ESCO1: variants seen among roughly 807,000 people sequenced by gnomAD.
The protein encoded by ESCO1 is N-acetyltransferase ESCO1.
A neutral mutation model predicts 83.5 loss-of-function variants in ESCO1; 33 were observed. That is an observed-to-expected ratio of 0.40 (90% CI 0.30 to 0.53). The LOEUF is 0.53. Among genes scored for constraint, ESCO1 ranks in the 20% least tolerant of loss-of-function variants. The pLI is 0.63. For missense variants in ESCO1, 855 were observed against 968.0 expected (o/e 0.88, Z 1.55); for synonymous variants, 332 against 324.3 (o/e 1.02, Z -0.25).
At chr18:21,547,037 ATACC>A (rs1191945957) in intron 8 of ESCO1, among the ~76,000 whole-genome samples, 1 of 152,156 alleles carries the variant, frequency 6.6e-6, no homozygotes, top group Non-Finnish European at 1.5e-5. Context: ...CCTTTGCTCT[ATACC>A]CTTCTGAGCT....
At chr18:21,535,264 G>A (rs2037820294) in intron 10 of ESCO1, among the ~76,000 whole-genome samples, 1 of 151,792 alleles carries the variant, frequency 6.6e-6, no homozygotes, top group African/African-American at 2.4e-5. Flanking sequence ...ACCCAGGCTG[G>A]AGTGCAATGG....
At chr18:21,582,744 T>C (rs2038519705) in intron 2 of ESCO1, among the ~76,000 whole-genome samples, 1 of 152,166 alleles carries the variant, frequency 6.6e-6, no homozygotes, top group Non-Finnish European at 1.5e-5. Flanking sequence ...ACACAAAATA[T>C]CATTTTTCAC....
Position 21,575,422 on chromosome 18 carries a change from C to T in ESCO1, c.-579G>A, listed in dbSNP as rs574822525. ...CTATTAATATAGATTTCCTTTTGTG[C>T]TGCCGTTTCTGAAAAATTAAAAAAC... On this transcript the variant is annotated 5_prime_UTR_variant, in exon 4 of 12. Coordinates refer to ENST00000269214, the MANE Select transcript of ESCO1 (RefSeq NM_052911.3). The T allele has an allele frequency of 1.8e-4, 70 of 398,122 alleles. 1 individual carries two copies. The South Asian group carries it at 8.4e-3, about 48-fold the overall frequency. The allele number at this position is 398,122 out of a possible 1,614,324, so 24.7% of individuals were successfully genotyped here.
Position 21,574,403 on chromosome 18 carries a change from T to G in ESCO1, c.441A>C (p.Ala147=), listed in dbSNP as rs1448478388. 3.1e-6 allele frequency: 5 copies of G among 1,614,164 alleles called. No homozygotes were observed. Among genetic ancestry groups the G allele is most frequent in the Middle Eastern group, 1.6e-4 (1 of 6,062 alleles). Residue 147 remains alanine (A), a synonymous_variant, in exon 4 of 12, where the codon GCA becomes GCC. Coordinates refer to ENST00000269214, the MANE Select transcript of ESCO1 (RefSeq NM_052911.3). The part of the protein sequence containing the change: ...RSREIQGQVQ[A]VKQSLPPTKK... ...TAGTTGGTGGCAAACTCTGTTTAAC[T>G]GCTTGAACTTGACCCTGAATTTCTC...
chr18:21,588,781 T>C (rs1273326906), intron 1 of ESCO1, among the ~76,000 whole-genome samples: 1 of 151,878 alleles, frequency 6.6e-6, no homozygotes, highest in African/African-American at 2.4e-5. Context: ...CCGGGCATGG[T>C]GGCGTTCACC....
chr18:21,554,620 A>T (rs552065340), intron 8 of ESCO1, among the ~76,000 whole-genome samples: 1 of 152,188 alleles, frequency 6.6e-6, no homozygotes, highest in Admixed American at 6.5e-5. Flanking sequence ...AATAAAAATA[A>T]AAAATTAGGC....
intron 4 of ESCO1, among the ~76,000 whole-genome samples, chr18:21,568,813 G>C (rs1449482118): frequency 6.7e-6 from 1 of 150,190 alleles, no homozygotes; most frequent in Non-Finnish European, 1.5e-5. Context: ...TGAGGCAGGA[G>C]AATCACTTAA....
At chr18:21,558,079 A>T (rs1482600177) in intron 8 of ESCO1, among the ~76,000 whole-genome samples, 1 of 150,744 alleles carries the variant, frequency 6.6e-6, no homozygotes, top group East Asian at 2.0e-4. Context: ...CAACCTCCTG[A>T]GCTCAAGCGA....
In ESCO1 at chr18:21,554,538, G is replaced by A. The variant is rs1012279833; in HGVS notation, c.1953+6321C>T. ...TGCCAACACTTTGGGAGCCCGAGGC[G>A]GGTGGATCACTTGAGGTCAGGAGTT... On this transcript the variant is annotated intron_variant, in intron 8 of 11. Transcript: ENST00000269214. Among the ~76,000 whole-genome samples, 5 of 152,158 alleles carry A rather than the reference G, an allele frequency of 3.3e-5. No individual in the cohort carries two copies. The East Asian group carries it at 9.6e-4, about 29-fold the overall frequency.
At chr18:21,595,841 G>A (rs1336072304) in intron 1 of ESCO1, among the ~76,000 whole-genome samples, 3 of 151,488 alleles carry the variant, frequency 2.0e-5, no homozygotes, top group Non-Finnish European at 4.4e-5. Context: ...GCGGGCGCCT[G>A]TACTCCCAGC....
intron 1 of ESCO1, among the ~76,000 whole-genome samples, chr18:21,599,362 A>G (rs1442063013): frequency 1.3e-5 from 2 of 152,156 alleles, no homozygotes; most frequent in Admixed American, 1.3e-4. Context: ...TAATAACTTA[A>G]AACTTTATTC....
intron 2 of ESCO1, among the ~76,000 whole-genome samples, chr18:21,582,951 G>C (rs1199575467): frequency 6.6e-6 from 1 of 152,160 alleles, no homozygotes; most frequent in Non-Finnish European, 1.5e-5. Context: ...AGCACTTTGG[G>C]GGGGCCAAGG....
rs928821826 is a variant in ESCO1 at position 21,529,575 on chromosome 18, T to G, written c.*768A>C. The G allele has an allele frequency of 6.6e-6, 1 of 152,186 alleles. No homozygotes were observed. The highest frequency in any genetic ancestry group is 2.4e-5 in the African/African-American group (1 of 41,454). The allele number at this position is 152,186 out of a possible 1,614,324, so 9.4% of individuals were successfully genotyped here. ...CTTTGAGATTTGTTAACAGCCTAGG[T>G]GTGCCAAGTTGCCATTTATTTTAAA... On this transcript the variant is annotated 3_prime_UTR_variant, in exon 12 of 12. Coordinates refer to ENST00000269214, the MANE Select transcript of ESCO1 (RefSeq NM_052911.3).
intron 1 of ESCO1, among the ~76,000 whole-genome samples, chr18:21,597,481 G>T (rs2038782839): frequency 6.7e-6 from 1 of 149,614 alleles, no homozygotes; most frequent in Non-Finnish European, 1.5e-5. Flanking sequence ...GCAACACAGT[G>T]AGCCACTGTT....
At chr18:21,569,571 C>A (rs1257222305) in intron 4 of ESCO1, among the ~76,000 whole-genome samples, 1 of 152,214 alleles carries the variant, frequency 6.6e-6, no homozygotes, top group Non-Finnish European at 1.5e-5. Context: ...GATGGTGAAA[C>A]CCCGTCTCTA....
intron 1 of ESCO1, among the ~76,000 whole-genome samples, chr18:21,594,925 C>CTGTA (rs1194811848): frequency 7.0e-6 from 1 of 143,694 alleles, no homozygotes; most frequent in African/African-American, 2.6e-5. Flanking sequence ...TCTACAACTA[C>CTGTA]TGTGTGTGTG....
chr18:21,582,617 C>T (rs1426292393), intron 2 of ESCO1, among the ~76,000 whole-genome samples: 3 of 152,138 alleles, frequency 2.0e-5, no homozygotes, highest in Non-Finnish European at 4.4e-5. Flanking sequence ...AAGGGCAAAA[C>T]TGGGGAAAAA....
In ESCO1 at chr18:21,530,249, T is replaced by C. The variant is rs977641953; in HGVS notation, c.*94A>G. The C allele has an allele frequency of 6.3e-6, 7 of 1,115,914 alleles. No individual in the cohort carries two copies. Among genetic ancestry groups the C allele is most frequent in the Non-Finnish European group, 8.5e-6 (7 of 825,676 alleles). 69.1% of individuals were successfully genotyped at this position (1,115,914 alleles called of 1,614,324 possible). On this transcript the variant is annotated 3_prime_UTR_variant, in exon 12 of 12. Transcript: ENST00000269214. The stretch of plus-strand genomic sequence containing the variant: ...ATGGTTGTTGCCAGTCCTGAGTTCA[T>C]TGTAATAAAAATGGCCCTAGTTCCT...
chr18:21,548,446 G>T (rs1484480690), intron 8 of ESCO1, among the ~76,000 whole-genome samples: 1 of 151,974 alleles, frequency 6.6e-6, no homozygotes, highest in Non-Finnish European at 1.5e-5. Context: ...AATGAGCCAT[G>T]ATTGCGCCAC....
Sources: gnomAD v4.1 joint callset for allele counts (sites outside exome capture counted in the v4.1 genomes callset) on GRCh38, gnomAD v4.1.1 for gene constraint, MANE v1.5 for transcripts, NCBI Gene and HGNC (gene_info 2026-07-23, HGNC 2026-07-21) for gene names.